GRIK2: variants seen among roughly 807,000 people sequenced by gnomAD.
GRIK2 encodes the protein glutamate receptor ionotropic, kainate 2.
A neutral mutation model predicts 100.3 loss-of-function variants in GRIK2; 32 were observed. The ratio of observed to expected loss-of-function variants is 0.32; its 90% CI spans 0.24 to 0.43. The LOEUF (loss-of-function observed/expected upper bound fraction) is 0.43. GRIK2 is among the 20% of genes least tolerant of loss of function. The pLI is 1.00. For synonymous variants in GRIK2, 417 were observed against 389.4 expected (o/e 1.07, Z -0.83); for missense variants, 843 against 1,114.9 (o/e 0.76, Z 3.47).
At chr6:101,757,847 A>T (rs1430318151) in intron 7 of GRIK2, among the ~76,000 whole-genome samples, 2 of 152,234 alleles carry the variant, frequency 1.3e-5, no homozygotes, top group African/African-American at 4.8e-5. Flanking sequence ...TTTGTCTTTT[A>T]CTTACTTCAG....
At chr6:101,728,677 C>G (rs981967620) in intron 7 of GRIK2, among the ~76,000 whole-genome samples, 2 of 151,956 alleles carry the variant, frequency 1.3e-5, no homozygotes, top group African/African-American at 4.8e-5. Flanking sequence ...AGAGTAAGCA[C>G]TCAGTGTTGT....
At chr6:101,421,024 A>G (rs994422522) in intron 2 of GRIK2, among the ~76,000 whole-genome samples, 9 of 152,114 alleles carry the variant, frequency 5.9e-5, no homozygotes, top group Non-Finnish European at 1.3e-4. Context: ...CAAACCCTAT[A>G]TCTTGGACTC....
chr6:101,538,218 A>G (rs1053839030), intron 2 of GRIK2, among the ~76,000 whole-genome samples: 2 of 151,712 alleles, frequency 1.3e-5, no homozygotes, highest in African/African-American at 2.4e-5. Flanking sequence ...AGAATTTAGA[A>G]TCAGTTAATC....
At chr6:101,445,276 T>G (rs1360102488) in intron 2 of GRIK2, among the ~76,000 whole-genome samples, 1 of 152,134 alleles carries the variant, frequency 6.6e-6, no homozygotes, top group South Asian at 2.1e-4. Context: ...TAAAAGCTGA[T>G]GGTGGTTGTC....
chr6:101,607,824 C>T (rs1269890736), intron 2 of GRIK2, among the ~76,000 whole-genome samples: 5 of 151,696 alleles, frequency 3.3e-5, no homozygotes, highest in African/African-American at 1.2e-4. Flanking sequence ...TTACTTTCAT[C>T]ATTCTTTTCC....
chr6:101,756,375 C>CTACATTTATAATCTACATTTATAAATTGT (rs1777136241), intron 7 of GRIK2, among the ~76,000 whole-genome samples: 1 of 127,916 alleles, frequency 7.8e-6, no homozygotes, highest in Non-Finnish European at 1.6e-5. Flanking sequence ...AGTTTCTTAT[C>CTACATTTATAATCTACATTTATAAATTGT]TACATTTATA....
chr6:101,946,591 A>G (rs1382816855), intron 14 of GRIK2, among the ~76,000 whole-genome samples: 1 of 152,166 alleles, frequency 6.6e-6, no homozygotes, highest in African/African-American at 2.4e-5. Context: ...GTAAATACGT[A>G]ACAAACTATC....
At chr6:101,940,786 G>A (rs1790908279) in intron 14 of GRIK2, among the ~76,000 whole-genome samples, 1 of 152,004 alleles carries the variant, frequency 6.6e-6, no homozygotes, top group Admixed American at 6.6e-5. Flanking sequence ...ATTTTCTTAT[G>A]GCTTCTAATA....
At chr6:101,802,484 C>G in intron 9 of GRIK2, 46 bp downstream of exon 9, 1 of 757,970 alleles carries the variant, frequency 1.3e-6, no homozygotes, top group Admixed American at 2.4e-5. Context: ...TGAAACATAT[C>G]TCAAAGAAGA....
At chr6:101,984,555 C>T (rs1793904791) in intron 14 of GRIK2, among the ~76,000 whole-genome samples, 2 of 150,552 alleles carry the variant, frequency 1.3e-5, no homozygotes, top group East Asian at 2.0e-4. Context: ...TAAACTGATG[C>T]AGTTACTCTA....
intron 12 of GRIK2, among the ~76,000 whole-genome samples, chr6:101,906,631 C>T (rs928424792): frequency 1.3e-5 from 2 of 151,592 alleles, no homozygotes; most frequent in African/African-American, 4.8e-5. Flanking sequence ...AAAGCAGGCT[C>T]AAGAAGTAGT....
intron 16 of GRIK2, among the ~76,000 whole-genome samples, chr6:102,059,230 G>A (rs1444526577): frequency 6.6e-6 from 1 of 150,958 alleles, no homozygotes; most frequent in African/African-American, 2.4e-5. Flanking sequence ...ACCACAAGAT[G>A]GTGTATCATA....
intron 2 of GRIK2, among the ~76,000 whole-genome samples, chr6:101,427,328 G>T (rs1769085263): frequency 6.6e-6 from 1 of 152,136 alleles, no homozygotes; most frequent in Non-Finnish European, 1.5e-5. Flanking sequence ...TCATTGCTCT[G>T]CTTTTCTGAA....
chr6:101,765,371 T>C (rs750608874), intron 7 of GRIK2, among the ~76,000 whole-genome samples: 1 of 152,146 alleles, frequency 6.6e-6, no homozygotes, highest in Non-Finnish European at 1.5e-5. Flanking sequence ...TGAATGCGTG[T>C]GTGCTTTTTT....
intron 7 of GRIK2, among the ~76,000 whole-genome samples, chr6:101,794,299 C>T (rs914814308): frequency 5.9e-5 from 9 of 152,102 alleles, no homozygotes; most frequent in African/African-American, 9.7e-5. Context: ...CCCTCTTCTG[C>T]GTCGCTCACG....
At chr6:101,576,116 C>T (rs918707496) in intron 2 of GRIK2, among the ~76,000 whole-genome samples, 3 of 151,892 alleles carry the variant, frequency 2.0e-5, no homozygotes, top group African/African-American at 7.3e-5. Flanking sequence ...TCACATTAAA[C>T]ATGTATATTG....
intron 2 of GRIK2, among the ~76,000 whole-genome samples, chr6:101,586,892 CAAAAAAA>C (rs1199378638): frequency 9.3e-5 from 5 of 53,970 alleles, no homozygotes; most frequent in South Asian, 1.5e-3. Flanking sequence ...TCTGTCTTAA[CAAAAAAA>C]AAAAAAAAAA....
chr6:101,894,799 A>G (rs1562470614), intron 12 of GRIK2, among the ~76,000 whole-genome samples: 1 of 151,672 alleles, frequency 6.6e-6, no homozygotes, highest in Non-Finnish European at 1.5e-5. Flanking sequence ...CCTCTTAACC[A>G]TATATATCTC....
chr6:101,578,133 A>G (rs969447957), intron 2 of GRIK2, among the ~76,000 whole-genome samples: 1 of 152,168 alleles, frequency 6.6e-6, no homozygotes, highest in African/African-American at 2.4e-5. Context: ...TTTATTTTCA[A>G]CAGTGCATTT....
Sources: allele counts gnomAD v4.1 joint callset (sites outside exome capture counted in the v4.1 genomes callset), GRCh38; gene constraint gnomAD v4.1.1; transcripts MANE v1.5; gene names NCBI Gene and HGNC (gene_info 2026-07-23, HGNC 2026-07-21).